Variants in RASGRF1 observed in about 807,000 individuals in gnomAD.
The protein encoded by RASGRF1 is ras-specific guanine nucleotide-releasing factor 1.
A neutral mutation model predicts 138.7 loss-of-function variants in RASGRF1; 40 were observed. The ratio of observed to expected loss-of-function variants is 0.29; its 90% CI spans 0.22 to 0.38. The LOEUF (loss-of-function observed/expected upper bound fraction) is 0.38. Ranked by LOEUF, RASGRF1 falls within the 10% of genes least tolerant of loss-of-function variation. RASGRF1 has a pLI of 1.00. For missense variants in RASGRF1, 1,108 were observed against 1,650.4 expected (o/e 0.67, Z 5.69); for synonymous variants, 614 against 663.2 (o/e 0.93, Z 1.14).
intron 5 of RASGRF1, among the ~76,000 whole-genome samples, chr15:79,039,795 G>A (rs886971677): frequency 6.6e-6 from 1 of 151,926 alleles, no homozygotes; most frequent in Admixed American, 6.6e-5. Flanking sequence ...TTTGAGACAG[G>A]GTCTTGCTCT....
chr15:79,036,092 C>A (rs369509918), intron 5 of RASGRF1, among the ~76,000 whole-genome samples: 1 of 152,252 alleles, frequency 6.6e-6, no homozygotes, highest in Non-Finnish European at 1.5e-5. Context: ...GGCGTCTCCT[C>A]TCCCAGGACA....
chr15:79,060,966 G>A lies in RASGRF1; in HGVS notation c.384-2485C>T, dbSNP rs189490532. 4.6e-5 allele frequency among the ~76,000 whole-genome samples: 7 copies of A among 152,198 alleles called. No homozygotes were observed. In the East Asian group the frequency reaches 7.7e-4, roughly 17 times the overall value. On this transcript the variant is annotated intron_variant, in intron 2 of 26. Transcript: ENST00000558480. The stretch of plus-strand genomic sequence containing the variant: ...GCAGGGAGATTGTCTTGGTGGTTGT[G>A]ATCCAATTGAATGAGACTTTAAAAG...
chr15:79,032,072 C>G lies in RASGRF1; in HGVS notation c.1152+51G>C. ...GTGCCCCCACCGCCATGGTCCATCC[C>G]CCACACCTGCCTCCCTGACTCTACC... is the stretch of plus-strand genomic sequence containing the variant. On this transcript the variant is annotated intron_variant, in intron 7 of 26. Transcript: ENST00000558480. The surrounding 1 kb of genome is among the most constrained non-coding windows in gnomAD (Gnocchi z 4.5). 1 of 1,573,622 alleles carries G rather than the reference C, an allele frequency of 6.4e-7. No homozygotes were observed. The highest frequency in any genetic ancestry group is 8.6e-7 in the Non-Finnish European group (1 of 1,157,782).
intron 16 of RASGRF1, 89 bp from the exon 17 acceptor site, chr15:79,000,002 C>T: frequency 8.6e-6 from 12 of 1,396,444 alleles, no homozygotes; most frequent in Non-Finnish European, 1.2e-5. Context: ...GCTAGAGCAG[C>T]CTTAAGAGCC....
At chr15:79,088,513 C>T (rs1419670088) in intron 1 of RASGRF1, among the ~76,000 whole-genome samples, 1 of 152,168 alleles carries the variant, frequency 6.6e-6, no homozygotes, top group Non-Finnish European at 1.5e-5. Flanking sequence ...CAGTCTCAGG[C>T]CTGTCTGCCT....
chr15:79,085,630 TAA>T (rs1266282017), intron 1 of RASGRF1, among the ~76,000 whole-genome samples: 1 of 152,202 alleles, frequency 6.6e-6, no homozygotes, highest in East Asian at 1.9e-4. Flanking sequence ...ATAGCTACAA[TAA>T]GTCTCAGGCA....
In RASGRF1 at chr15:79,058,610, C is replaced by T. The variant is rs551913558; in HGVS notation, c.384-129G>A. The T allele has an allele frequency of 8.2e-6, 10 of 1,219,830 alleles. No individual in the cohort carries two copies. The East Asian group carries it at 2.0e-4, about 25-fold the overall frequency. The allele number at this position is 1,219,830 out of a possible 1,614,324, so 75.6% of individuals were successfully genotyped here. ...AGCAGAAGGCCCTGACTCCCAGCACCCTGCAGAGTGAGAGGGCTTGGCAGG... is the reference window on the plus strand; with the variant it reads ...AGCAGAAGGCCCTGACTCCCAGCACTCTGCAGAGTGAGAGGGCTTGGCAGG... On this transcript the variant is annotated intron_variant, in intron 2 of 26. Transcript: ENST00000558480.
intron 21 of RASGRF1, among the ~76,000 whole-genome samples, chr15:78,990,839 C>G (rs2056254060): frequency 1.3e-5 from 2 of 152,164 alleles, no homozygotes; most frequent in African/African-American, 4.8e-5. Flanking sequence ...GCTTCTCCTC[C>G]TAGAGGGACA....
intron 17 of RASGRF1, among the ~76,000 whole-genome samples, chr15:78,999,262 C>T (rs531697940): frequency 6.6e-6 from 1 of 152,058 alleles, no homozygotes; most frequent in African/African-American, 2.4e-5. Context: ...TAGCAAAGGG[C>T]GATGGGTGGG....
rs765449001 is a variant in RASGRF1 at position 79,090,246 on chromosome 15, C to A, written c.253G>T (p.Ala85Ser). ...ACCTGTTTCTCCAGCGGCTCCTTGG[C>A]CGACAGCGCCGGCTTGGGGGAGGGC... is the stretch of plus-strand genomic sequence containing the variant. ...RAPSPKPALS[A>S]KEPLEKQHYF... Residue 85 changes from alanine to serine, a missense_variant, in exon 1 of 27, where the codon GCC (alanine) becomes TCC (serine). By Grantham distance (99) the Ala-to-Ser change is moderately conservative. Coordinates refer to ENST00000558480, the MANE Select transcript of RASGRF1 (RefSeq NM_001145648.3). 1 of 1,608,310 alleles carries A rather than the reference C, an allele frequency of 6.2e-7. No individual in the cohort carries two copies.
chr15:79,003,531 T>C (rs984003334), intron 15 of RASGRF1, among the ~76,000 whole-genome samples: 1 of 152,218 alleles, frequency 6.6e-6, no homozygotes, highest in African/African-American at 2.4e-5. Context: ...ATGCCTAAAT[T>C]GCTCGTGATG....
intron 22 of RASGRF1, among the ~76,000 whole-genome samples, chr15:78,989,214 G>A (rs1247085062): frequency 6.6e-5 from 10 of 152,202 alleles, no homozygotes; most frequent in Admixed American, 6.5e-4. Context: ...AGCTGGGGGT[G>A]TGTGATGCAC....
At chr15:79,057,391 C>T (rs116259438) in intron 3 of RASGRF1, among the ~76,000 whole-genome samples, 1,618 of 152,362 alleles carry the variant, frequency 0.011, 28 homozygotes, top group African/African-American at 0.037. Flanking sequence ...GGCTGTGGGA[C>T]AGGAGAATGA....
At chr15:79,015,166 A>G (rs2056860838) in intron 13 of RASGRF1, among the ~76,000 whole-genome samples, 161 bp downstream of exon 13, 1 of 152,130 alleles carries the variant, frequency 6.6e-6, no homozygotes, top group South Asian at 2.1e-4. Context: ...CAATCACCCA[A>G]CTCAAAACAA....
intron 11 of RASGRF1, among the ~76,000 whole-genome samples, chr15:79,018,203 C>G (rs1045448263): frequency 6.6e-6 from 1 of 152,230 alleles, no homozygotes; most frequent in Non-Finnish European, 1.5e-5. Flanking sequence ...GGTGAGGTCA[C>G]GGGCGAGGAC....
At chr15:79,064,653 G>T in intron 1 of RASGRF1, 127 bp from the exon 2 acceptor site, 1 of 861,858 alleles carries the variant, frequency 1.2e-6, no homozygotes, top group Non-Finnish European at 1.9e-6. Flanking sequence ...TTCCTTGTTT[G>T]TGATAATCAG....
chr15:79,087,797 C>T (rs922708264), intron 1 of RASGRF1, among the ~76,000 whole-genome samples: 74 of 152,350 alleles, frequency 4.9e-4, no homozygotes, highest in African/African-American at 1.6e-3. Flanking sequence ...TCTAGTTTTC[C>T]ACAGGAGTCA....
At position 79,050,602 on chromosome 15, in the gene RASGRF1, A is replaced by G. The variant is rs886511049; in HGVS notation, c.532-1014T>C. On this transcript the variant is annotated intron_variant, in intron 3 of 26. Transcript: ENST00000558480. This position sits in a 1 kb window ranked among gnomAD's most constrained non-coding sequence, Gnocchi z 4.1. Reference sequence around the variant, plus strand: ...CTAGAAAAGTGGAGCAGCTCTTCAAATATCTAGCTGCTCTAAACATCTCCA... The same window carrying G: ...CTAGAAAAGTGGAGCAGCTCTTCAAGTATCTAGCTGCTCTAAACATCTCCA... Among the ~76,000 whole-genome samples, 52 of 152,208 alleles carry G rather than the reference A, an allele frequency of 3.4e-4. No homozygotes were observed. Among genetic ancestry groups the G allele is most frequent in the African/African-American group, 9.9e-4 (41 of 41,428 alleles).
intron 1 of RASGRF1, chr15:79,064,747 A>T (rs1326801096): frequency 1.9e-6 from 1 of 535,982 alleles, no homozygotes; most frequent in African/African-American, 1.9e-5. Flanking sequence ...AGGATATTGT[A>T]AGAAGGAAAC....
Sources: gnomAD v4.1 joint callset for allele counts (sites outside exome capture counted in the v4.1 genomes callset) on GRCh38, gnomAD v4.1.1 for gene constraint, Gnocchi (gnomAD v3.1) non-coding constraint, MANE v1.5 for transcripts, NCBI Gene and HGNC (gene_info 2026-07-23, HGNC 2026-07-21) for gene names.